The following ADGRV1 variants were observed in gnomAD, a reference collection of about 807,000 sequenced individuals.
ADGRV1 encodes G-protein coupled receptor 98.
ADGRV1 carries 359 observed loss-of-function variants against 596.2 expected under a neutral mutation model. The ratio of observed to expected loss-of-function variants is 0.60; its 90% CI spans 0.55 to 0.66. ADGRV1 has a LOEUF of 0.66. ADGRV1 is among the 30% of genes least tolerant of loss of function. ADGRV1 has a pLI of 0.00. For synonymous variants in ADGRV1, 2,681 were observed against 2,679.2 expected (o/e 1.00, Z -0.02); for missense variants, 7,274 against 7,575.6 (o/e 0.96, Z 1.48).
chr5:91,153,972 A>G (rs1238075248), intron 89 of ADGRV1, among the ~76,000 whole-genome samples: 1 of 152,256 alleles, frequency 6.6e-6, no homozygotes, highest in African/African-American at 2.4e-5. Flanking sequence ...TGCTAAGGCA[A>G]TAAAAGACCA....
At chr5:90,728,463 G>T (rs971167352) in intron 48 of ADGRV1, among the ~76,000 whole-genome samples, 1 of 152,104 alleles carries the variant, frequency 6.6e-6, no homozygotes, top group South Asian at 2.1e-4. Flanking sequence ...GTACTTATGT[G>T]CATAGACATA....
chr5:90,699,991 A>G (rs1360371564), intron 34 of ADGRV1, among the ~76,000 whole-genome samples: 28 of 152,194 alleles, frequency 1.8e-4, no homozygotes, highest in Non-Finnish European at 4.4e-5. Flanking sequence ...TCTACATAAA[A>G]GTTGGAGTCA....
intron 82 of ADGRV1, among the ~76,000 whole-genome samples, chr5:90,861,437 G>T (rs1767551801): frequency 1.3e-5 from 2 of 152,102 alleles, no homozygotes; most frequent in South Asian, 4.2e-4. Flanking sequence ...AGCCTCCCGG[G>T]TAGCTGGGAC....
At chr5:90,929,742 T>G (rs1231435043) in intron 83 of ADGRV1, 1 of 152,232 alleles carries the variant, frequency 6.6e-6, no homozygotes, top group Non-Finnish European at 1.5e-5. Flanking sequence ...TATTAATGAT[T>G]AGGCACATTT....
chr5:91,093,240 A>G (rs1582033852), intron 86 of ADGRV1, among the ~76,000 whole-genome samples: 1 of 152,234 alleles, frequency 6.6e-6, no homozygotes, highest in Non-Finnish European at 1.5e-5. Context: ...AGATCTATCT[A>G]TCCCTCGAGT....
intron 1 of ADGRV1, among the ~76,000 whole-genome samples, chr5:90,570,553 A>G (rs1756388369): frequency 6.6e-6 from 1 of 152,032 alleles, no homozygotes; most frequent in African/African-American, 2.4e-5. Context: ...TGGGAGTTCC[A>G]CTAGGTCTAT....
At chr5:91,115,232 G>A (rs1209598373) in intron 87 of ADGRV1, among the ~76,000 whole-genome samples, 2 of 152,170 alleles carry the variant, frequency 1.3e-5, no homozygotes, top group South Asian at 2.1e-4. Context: ...TTACATAGTT[G>A]TACTCAATGA....
rs760204600 is a variant in ADGRV1 at position 90,692,597 on chromosome 5, A to G, written c.6952-8A>G. ...ATGCTGTTAAGGAAGTTTTCACTGT[A>G]TTTTTAGGTTATCCAAGTGCAACTA... On this transcript the variant is annotated splice_polypyrimidine_tract_variant and splice_region_variant and intron_variant, in intron 31 of 89. Coordinates refer to ENST00000405460, the MANE Select transcript of ADGRV1 (RefSeq NM_032119.4). 36 of 1,600,252 alleles carry G rather than the reference A, an allele frequency of 2.2e-5. No individual in the cohort carries two copies. The highest frequency in any genetic ancestry group is 2.9e-5 in the Non-Finnish European group (34 of 1,173,948).
chr5:90,631,543 A>C (rs1014204208), intron 9 of ADGRV1, among the ~76,000 whole-genome samples: 1 of 152,054 alleles, frequency 6.6e-6, no homozygotes, highest in Non-Finnish European at 1.5e-5. Context: ...CTTCATCTTT[A>C]TTATTATTAA....
chr5:90,858,195 T>C, intron 82 of ADGRV1, among the ~76,000 whole-genome samples: 1 of 152,204 alleles, frequency 6.6e-6, no homozygotes, highest in East Asian at 1.9e-4. Context: ...GGACAAATCA[T>C]CCATTGCTGT....
At chr5:90,989,197 A>T (rs555200152) in intron 85 of ADGRV1, among the ~76,000 whole-genome samples, 1 of 152,040 alleles carries the variant, frequency 6.6e-6, no homozygotes, top group Non-Finnish European at 1.5e-5. Context: ...CTAGTTCTAG[A>T]TCCCTGAGGA....
intron 48 of ADGRV1, among the ~76,000 whole-genome samples, chr5:90,726,327 A>G (rs1243962061): frequency 6.6e-6 from 1 of 152,110 alleles, no homozygotes; most frequent in Non-Finnish European, 1.5e-5. Flanking sequence ...CTCTCTCTCT[A>G]TTTGGTTACT....
chr5:90,659,067 C>G (rs1438735542), intron 21 of ADGRV1, among the ~76,000 whole-genome samples: 1 of 152,150 alleles, frequency 6.6e-6, no homozygotes, highest in African/African-American at 2.4e-5. Flanking sequence ...CTCATTCTAG[C>G]TTAAACTGGG....
At chr5:90,913,118 CT>C (rs1388867983) in intron 83 of ADGRV1, among the ~76,000 whole-genome samples, 1 of 152,146 alleles carries the variant, frequency 6.6e-6, no homozygotes, top group Non-Finnish European at 1.5e-5. Flanking sequence ...CATTTTTCCA[CT>C]GGCTAATTTG....
Position 90,745,668 on chromosome 5 carries a change from A to C in ADGRV1, c.10847A>C (p.Glu3616Ala). The C allele has an allele frequency of 6.2e-7, 1 of 1,612,828 alleles. No individual in the cohort carries two copies. The highest frequency in any genetic ancestry group is 8.5e-7 in the Non-Finnish European group (1 of 1,179,082). ...AATATCCTTGATGATACAGTTCCAG[A>C]AAAAGAAGAATCCTTCAAAGTTCAA... The part of the protein sequence containing the change: ...AVNILDDTVP[E>A]KEESFKVQLK... Residue 3616 changes from glutamate to alanine, a missense_variant, in exon 52 of 90, where the codon GAA (glutamate) becomes GCA (alanine). Coordinates refer to ENST00000405460, the MANE Select transcript of ADGRV1 (RefSeq NM_032119.4).
intron 34 of ADGRV1, among the ~76,000 whole-genome samples, chr5:90,699,421 A>G (rs776680177): frequency 6.6e-6 from 1 of 152,136 alleles, no homozygotes; most frequent in Non-Finnish European, 1.5e-5. Context: ...TGTTGAAGAA[A>G]TAGGGGGAAG....
At chr5:91,061,080 C>G (rs1190560237) in intron 85 of ADGRV1, among the ~76,000 whole-genome samples, 1 of 152,108 alleles carries the variant, frequency 6.6e-6, no homozygotes, top group Admixed American at 6.5e-5. Flanking sequence ...CATTAGGTAA[C>G]CAGCCTTTTC....
intron 87 of ADGRV1, among the ~76,000 whole-genome samples, chr5:91,114,960 G>A (rs988224287): frequency 1.3e-5 from 2 of 152,148 alleles, no homozygotes; most frequent in Non-Finnish European, 1.5e-5. Context: ...ATCCCAGGCT[G>A]CAATTTTCTG....
intron 83 of ADGRV1, among the ~76,000 whole-genome samples, chr5:90,955,312 T>G (rs533854629): frequency 2.2e-4 from 34 of 152,326 alleles, no homozygotes; most frequent in African/African-American, 7.5e-4. Context: ...AATATTTTTC[T>G]TGCTTTCTGT....
Sources: allele counts gnomAD v4.1 joint callset (sites outside exome capture counted in the v4.1 genomes callset), GRCh38; gene constraint gnomAD v4.1.1; transcripts MANE v1.5; gene names NCBI Gene and HGNC (gene_info 2026-07-23, HGNC 2026-07-21).